CDCA7L: variants seen among roughly 807,000 people sequenced by gnomAD.
The protein encoded by CDCA7L is cell division cycle-associated 7-like protein.
In CDCA7L, 44 loss-of-function variants were observed where a neutral mutation model predicts 57.4. The ratio of observed to expected loss-of-function variants is 0.77; its 90% CI spans 0.60 to 0.98. The LOEUF (loss-of-function observed/expected upper bound fraction) is 0.98. CDCA7L is among the 50% of genes least tolerant of loss of function. The pLI is 0.00. For missense variants in CDCA7L, 644 were observed against 580.6 expected, an observed-to-expected ratio of 1.11 and a Z score of -1.12; for synonymous variants, 236 against 202.8, an observed-to-expected ratio of 1.16 and a Z score of -1.39.
chr7:21,923,908 C>T (rs561522011), intron 1 of CDCA7L, among the ~76,000 whole-genome samples: 6 of 152,346 alleles, frequency 3.9e-5, no homozygotes, highest in African/African-American at 1.4e-4. Context: ...AAGCAGTGCT[C>T]TGGAGGTCTC....
At chr7:21,928,702 C>T (rs1241389832) in intron 1 of CDCA7L, among the ~76,000 whole-genome samples, 2 of 151,336 alleles carry the variant, frequency 1.3e-5, no homozygotes, top group Non-Finnish European at 2.9e-5. Flanking sequence ...GAAAGGATAT[C>T]AGAGACTGAA....
chr7:21,933,801 A>AG (rs1352368670), intron 1 of CDCA7L, among the ~76,000 whole-genome samples: 2 of 152,004 alleles, frequency 1.3e-5, no homozygotes, highest in African/African-American at 4.8e-5. Context: ...TAAAGTATAA[A>AG]AAAAAGAAAA....
At position 21,903,141 on chromosome 7, in the gene CDCA7L, T is replaced by TCGCTCATTATCTACA. The variant is rs760869759; in HGVS notation, c.1198-42_1198-28dup. ...TAACAGAGAGATGACAGCAGACACT[T>TCGCTCATTATCTACA]CGCTCATTATCTACAGGGTCTGGCA... is the stretch of plus-strand genomic sequence containing the variant. On this transcript the variant is annotated intron_variant, in intron 8 of 9. Transcript: ENST00000406877. 8.4e-5 allele frequency: 135 copies of TCGCTCATTATCTACA among 1,604,912 alleles called. 1 individual carries two copies. The highest frequency in any genetic ancestry group is 1.1e-4 in the Non-Finnish European group (125 of 1,176,272).
chr7:21,931,268 C>G (rs1263203448), intron 1 of CDCA7L, among the ~76,000 whole-genome samples: 1 of 152,212 alleles, frequency 6.6e-6, no homozygotes, highest in African/African-American at 2.4e-5. Flanking sequence ...TCCTCCCTAA[C>G]TCATTTTATG....
At chr7:21,913,267 A>G (rs552940379) in intron 2 of CDCA7L, among the ~76,000 whole-genome samples, 129 of 152,258 alleles carry the variant, frequency 8.5e-4, no homozygotes, top group Middle Eastern at 3.4e-3. Flanking sequence ...ATTATGGGTA[A>G]TTGGAGTGAG....
chr7:21,928,069 G>A (rs181675657), intron 1 of CDCA7L, among the ~76,000 whole-genome samples: 9 of 152,312 alleles, frequency 5.9e-5, no homozygotes, highest in East Asian at 1.9e-4. Context: ...GGAGCGATCC[G>A]GCTGGCATCT....
At chr7:21,916,363 C>A (rs1205089173) in intron 2 of CDCA7L, among the ~76,000 whole-genome samples, 1 of 152,030 alleles carries the variant, frequency 6.6e-6, no homozygotes, top group Non-Finnish European at 1.5e-5. Flanking sequence ...CACGGGACCA[C>A]AGAGGTGTAA....
chr7:21,903,254 G>A (rs560752335), intron 8 of CDCA7L, 140 bp from the exon 9 acceptor site: 2 of 746,196 alleles, frequency 2.7e-6, no homozygotes, highest in Non-Finnish European at 2.1e-6. Flanking sequence ...GTCCCAGGGG[G>A]CTCCTCACAA....
chr7:21,903,409 G>C (rs898550845), intron 8 of CDCA7L, among the ~76,000 whole-genome samples: 2 of 152,176 alleles, frequency 1.3e-5, no homozygotes, highest in Non-Finnish European at 2.9e-5. Flanking sequence ...CACAGGCCCA[G>C]GATGTCAGCC....
Position 21,939,309 on chromosome 7 carries a change from C to G in CDCA7L, c.24+6472G>C, listed in dbSNP as rs574378853. Among the ~76,000 whole-genome samples the G allele has an allele frequency of 7.9e-4, 121 of 152,242 alleles. 1 individual carries two copies. Among genetic ancestry groups the G allele is most frequent in the African/African-American group, 2.8e-3 (117 of 41,540 alleles). On this transcript the variant is annotated intron_variant, in intron 1 of 9. Coordinates refer to ENST00000406877, the MANE Select transcript of CDCA7L (RefSeq NM_018719.5). ...AACATTGTGACTATACTTAGTAACACTGAAAGGTTAAAAATAGTACCTTTT... is the reference window on the plus strand; with the variant it reads ...AACATTGTGACTATACTTAGTAACAGTGAAAGGTTAAAAATAGTACCTTTT...
At chr7:21,924,332 C>A (rs1785758341) in intron 1 of CDCA7L, among the ~76,000 whole-genome samples, 1 of 152,122 alleles carries the variant, frequency 6.6e-6, no homozygotes, top group African/African-American at 2.4e-5. Flanking sequence ...ATTTAAAAAG[C>A]AGACAAAAGA....
intron 1 of CDCA7L, among the ~76,000 whole-genome samples, chr7:21,935,463 C>T (rs1786132993): frequency 6.6e-6 from 1 of 151,854 alleles, no homozygotes; most frequent in South Asian, 2.1e-4. Flanking sequence ...AAACCATACA[C>T]ATTAGGGGAA....
intron 2 of CDCA7L, among the ~76,000 whole-genome samples, chr7:21,913,918 GATGCCA>G (rs958921724): frequency 6.6e-6 from 1 of 152,186 alleles, no homozygotes; most frequent in African/African-American, 2.4e-5. Flanking sequence ...GGGTCTGTAT[GATGCCA>G]ATCTCCACTC....
intron 1 of CDCA7L, among the ~76,000 whole-genome samples, chr7:21,935,945 T>A (rs1423865205): frequency 1.3e-5 from 2 of 151,862 alleles, no homozygotes; most frequent in African/African-American, 2.4e-5. Flanking sequence ...GAGGCGGAGG[T>A]TGCAGTGAGC....
At chr7:21,930,648 A>G (rs904573634) in intron 1 of CDCA7L, among the ~76,000 whole-genome samples, 1 of 147,454 alleles carries the variant, frequency 6.8e-6, no homozygotes, top group Non-Finnish European at 1.5e-5. Flanking sequence ...CAGTGAGCCA[A>G]GATTACGCCA....
chr7:21,945,029 G>A (rs1337774571), intron 1 of CDCA7L, among the ~76,000 whole-genome samples: 1 of 152,076 alleles, frequency 6.6e-6, no homozygotes, highest in Non-Finnish European at 1.5e-5. Context: ...TCTCCATTAC[G>A]ATAACGTAGA....
rs150943620 is a variant in CDCA7L, at chr7:21,904,816, G to A, written c.1048-557C>T. Among the ~76,000 whole-genome samples, 451 of 152,220 alleles carry A rather than the reference G, an allele frequency of 3.0e-3. 5 individuals carry two copies. In the East Asian group the frequency reaches 0.044, roughly 15 times the overall value. On this transcript the variant is annotated intron_variant, in intron 7 of 9. Transcript: ENST00000406877. ...GAAACATATTAGGTCAGATGAGGCT[G>A]AGCAGAGACCCAGAAGGAATGAAAT... is the stretch of plus-strand genomic sequence containing the variant.
chr7:21,901,074 G>C lies in CDCA7L; in HGVS notation c.*1248C>G. 6.2e-7 allele frequency: 1 copy of C among 1,613,968 alleles called. No individual in the cohort carries two copies. The highest frequency in any genetic ancestry group is 1.3e-5 in the African/African-American group (1 of 75,040). Reference sequence around the variant, plus strand: ...GTCTCAAGGAGCTGGCATGCCCTATGCCGGTCATCTTTGCAAAAGCCACCC... The same window carrying C: ...GTCTCAAGGAGCTGGCATGCCCTATCCCGGTCATCTTTGCAAAAGCCACCC... On this transcript the variant is annotated 3_prime_UTR_variant, in exon 10 of 10. Coordinates refer to ENST00000406877, the MANE Select transcript of CDCA7L (RefSeq NM_018719.5).
chr7:21,934,100 A>G (rs1029359342), intron 1 of CDCA7L, among the ~76,000 whole-genome samples: 2 of 152,218 alleles, frequency 1.3e-5, no homozygotes, highest in African/African-American at 4.8e-5. Context: ...TGTCAAAGCC[A>G]TACAAAAATA....
Sources: allele counts gnomAD v4.1 joint callset (sites outside exome capture counted in the v4.1 genomes callset), GRCh38; gene constraint gnomAD v4.1.1; transcripts MANE v1.5; gene names NCBI Gene and HGNC (gene_info 2026-07-23, HGNC 2026-07-21).